The following PTPRG variants were observed in gnomAD, a reference collection of about 807,000 sequenced individuals.
The protein encoded by PTPRG is protein tyrosine phosphatase receptor type G.
In PTPRG, 102 loss-of-function variants were observed where a neutral mutation model predicts 165.3. That is an observed-to-expected ratio of 0.62 (90% confidence interval 0.53 to 0.73). The LOEUF is 0.73. Among genes scored for constraint, PTPRG ranks in the 30% least tolerant of loss-of-function variants. The pLI is 0.00. For missense variants in PTPRG, 1,866 were observed against 1,861.4 expected (o/e 1.00, Z -0.05); for synonymous variants, 675 against 669.5 (o/e 1.01, Z -0.13).
intron 26 of PTPRG, among the ~76,000 whole-genome samples, chr3:62,279,663 G>C (rs1012368920): frequency 3.9e-5 from 6 of 151,990 alleles, no homozygotes; most frequent in African/African-American, 9.7e-5. Flanking sequence ...CTTTTGTATA[G>C]ACTAAACCCA....
rs1433510712 is a variant in PTPRG, at chr3:62,205,954, G to T, written c.2155+2004G>T. On this transcript the variant is annotated intron_variant, in intron 12 of 29. Coordinates refer to ENST00000474889, the MANE Select transcript of PTPRG (RefSeq NM_002841.4). ...CAGTTAGGAGGCAGTGGTAATGGTGGCTTGGACCAGTGTGTTTTCTATGAA... is the reference window on the plus strand; with the variant it reads ...CAGTTAGGAGGCAGTGGTAATGGTGTCTTGGACCAGTGTGTTTTCTATGAA... Among the ~76,000 whole-genome samples, 4 of 152,194 alleles carry T rather than the reference G, an allele frequency of 2.6e-5. No homozygotes were observed. The East Asian group carries it at 7.7e-4, about 29-fold the overall frequency.
intron 1 of PTPRG, among the ~76,000 whole-genome samples, chr3:61,617,164 G>C (rs558509181): frequency 6.6e-6 from 1 of 152,322 alleles, no homozygotes; most frequent in South Asian, 2.1e-4. Flanking sequence ...CAAGTCAAGG[G>C]ACAGGAATTA....
At chr3:61,619,049 C>A (rs1192830639) in intron 1 of PTPRG, among the ~76,000 whole-genome samples, 5 of 150,772 alleles carry the variant, frequency 3.3e-5, no homozygotes, top group Admixed American at 6.6e-5. Context: ...CCCAGCTACT[C>A]GGGAGGCTGA....
At chr3:62,288,157 A>C (rs952161982) in intron 28 of PTPRG, among the ~76,000 whole-genome samples, 6 of 151,510 alleles carry the variant, frequency 4.0e-5, no homozygotes, top group Non-Finnish European at 7.4e-5. Context: ...AAAAAAAAAA[A>C]CAGCCTGTGT....
Position 61,714,655 on chromosome 3 carries a change from C to T in PTPRG, c.86-34223C>T, listed in dbSNP as rs149895527. 7.2e-3 allele frequency among the ~76,000 whole-genome samples: 1,099 copies of T among 152,262 alleles called. 7 individuals are homozygous for T. Among genetic ancestry groups the T allele is most frequent in the Non-Finnish European group, 0.011 (775 of 68,028 alleles). On this transcript the variant is annotated intron_variant, in intron 1 of 29. Transcript: ENST00000474889. ...AGAGAAAGGTGGGGCCTTTTACTTTCCACAAAAGGATCATATGTTTGCTAA... is the reference window on the plus strand; with the variant it reads ...AGAGAAAGGTGGGGCCTTTTACTTTTCACAAAAGGATCATATGTTTGCTAA...
intron 2 of PTPRG, among the ~76,000 whole-genome samples, chr3:61,858,653 TAAG>T (rs916055070): frequency 1.3e-5 from 2 of 152,192 alleles, no homozygotes; most frequent in African/African-American, 4.8e-5. Context: ...TATTAGTACT[TAAG>T]AAACACTATT....
At chr3:62,163,232 C>T (rs1418725549) in intron 7 of PTPRG, among the ~76,000 whole-genome samples, 2 of 151,868 alleles carry the variant, frequency 1.3e-5, no homozygotes, top group Non-Finnish European at 2.9e-5. Context: ...GACACAGATC[C>T]AAACTATATC....
In PTPRG at chr3:61,882,262, T is replaced by C. The variant is rs1360468020; in HGVS notation, c.191-107363T>C. ...TTGTTTACACAATTCCAGTGACTAG[T>C]TGGGAAGTTGTTTCCTCTGAAAAGG... On this transcript the variant is annotated intron_variant, in intron 2 of 29. Transcript: ENST00000474889. Among the ~76,000 whole-genome samples the C allele has an allele frequency of 2.0e-5, 3 of 152,324 alleles. No individual in the cohort carries two copies. In the East Asian group the frequency reaches 5.8e-4, roughly 29 times the overall value.
chr3:61,940,493 A>T (rs1056255718), intron 2 of PTPRG, among the ~76,000 whole-genome samples: 5 of 151,872 alleles, frequency 3.3e-5, no homozygotes, highest in Non-Finnish European at 7.4e-5. Context: ...TCCTTCACTG[A>T]TTCCTCCTTT....
chr3:61,974,654 T>A (rs774363896), intron 2 of PTPRG, among the ~76,000 whole-genome samples: 1 of 152,224 alleles, frequency 6.6e-6, no homozygotes, highest in East Asian at 1.9e-4. Flanking sequence ...TCACTTAATT[T>A]CCTTTTATCC....
intron 1 of PTPRG, among the ~76,000 whole-genome samples, chr3:61,591,087 A>G (rs1455640992): frequency 2.0e-5 from 3 of 152,252 alleles, no homozygotes; most frequent in Non-Finnish European, 4.4e-5. Context: ...CCCTGTCCCA[A>G]AAAAAGAAAT....
intron 2 of PTPRG, among the ~76,000 whole-genome samples, chr3:61,755,052 A>C (rs899959357): frequency 1.3e-5 from 2 of 151,184 alleles, no homozygotes; most frequent in Admixed American, 1.3e-4. Context: ...AGCTCACTGC[A>C]ACCTCCGCCT....
chr3:62,106,640 C>T (rs768035759), intron 5 of PTPRG, among the ~76,000 whole-genome samples: 3 of 151,954 alleles, frequency 2.0e-5, no homozygotes, highest in South Asian at 2.1e-4. Context: ...GTAGCTGGGA[C>T]TACGGGCATG....
At chr3:61,592,538 TTTTATATAAA>T (rs1373467519) in intron 1 of PTPRG, among the ~76,000 whole-genome samples, 3 of 152,204 alleles carry the variant, frequency 2.0e-5, no homozygotes, top group African/African-American at 4.8e-5. Context: ...CAATTTTTGT[TTTTATATAAA>T]GTTTAGCCTA....
intron 1 of PTPRG, among the ~76,000 whole-genome samples, chr3:61,741,628 T>C (rs2032988683): frequency 6.6e-6 from 1 of 152,230 alleles, no homozygotes; most frequent in African/African-American, 2.4e-5. Flanking sequence ...ATCACAGACT[T>C]ACTCTGCTTT....
Position 62,087,799 on chromosome 3 carries a change from C to T in PTPRG, c.615+9541C>T, listed in dbSNP as rs981178665. ...AGTTATTGTCATCTGCATATAATTG[C>T]CTTCAGGCCTCTCAGTTTTGCTGAT... On this transcript the variant is annotated intron_variant, in intron 5 of 29. Coordinates refer to ENST00000474889, the MANE Select transcript of PTPRG (RefSeq NM_002841.4). Among the ~76,000 whole-genome samples the T allele has an allele frequency of 3.9e-5, 6 of 152,260 alleles. No individual in the cohort carries two copies. The East Asian group carries it at 9.6e-4, about 24-fold the overall frequency.
At chr3:62,126,806 A>G (rs1248545459) in intron 5 of PTPRG, among the ~76,000 whole-genome samples, 2 of 152,194 alleles carry the variant, frequency 1.3e-5, no homozygotes, top group Non-Finnish European at 2.9e-5. Context: ...TTTGCCATTC[A>G]TCACTCTCAA....
intron 2 of PTPRG, among the ~76,000 whole-genome samples, chr3:61,923,692 ATTTTTT>A (rs71123241): frequency 6.9e-5 from 7 of 100,876 alleles, no homozygotes; most frequent in African/African-American, 1.6e-4. Flanking sequence ...TATTTTTTGT[ATTTTTT>A]TTTTTTTTTT....
At chr3:61,913,411 G>A (rs192637864) in intron 2 of PTPRG, among the ~76,000 whole-genome samples, 1 of 152,196 alleles carries the variant, frequency 6.6e-6, no homozygotes, top group East Asian at 1.9e-4. Context: ...AGTAGAGACG[G>A]GATTTCGCTG....
Sources: gnomAD v4.1 joint callset for allele counts (sites outside exome capture counted in the v4.1 genomes callset) on GRCh38, gnomAD v4.1.1 for gene constraint, MANE v1.5 for transcripts, NCBI Gene and HGNC (gene_info 2026-07-23, HGNC 2026-07-21) for gene names.